GDE1: variants seen among roughly 807,000 people sequenced by gnomAD.
GDE1 encodes RGS16-interacting membrane protein.
A neutral mutation model predicts 32.2 loss-of-function variants in GDE1; 24 were observed. The ratio of observed to expected loss-of-function variants is 0.75; its 90% CI spans 0.54 to 1.05. The LOEUF (loss-of-function observed/expected upper bound fraction) is 1.05. Ranked by LOEUF, GDE1 falls within the 50% of genes least tolerant of loss-of-function variation. GDE1 has a pLI of 0.00. For missense variants in GDE1, 380 were observed against 415.0 expected (o/e 0.92, Z 0.73); for synonymous variants, 159 against 158.6 (o/e 1.00, Z -0.02).
intron 1 of GDE1, among the ~76,000 whole-genome samples, chr16:19,520,069 C>T (rs1247972666): frequency 5.3e-5 from 8 of 151,974 alleles, no homozygotes; most frequent in Admixed American, 5.2e-4. Context: ...TACATATATA[C>T]ATTTCTGACA....
intron 4 of GDE1, among the ~76,000 whole-genome samples, chr16:19,507,181 T>A (rs896554929): frequency 1.4e-5 from 2 of 143,844 alleles, no homozygotes; most frequent in African/African-American, 2.7e-5. Context: ...AATAAATAAA[T>A]AAAATGGCAT....
In GDE1 at chr16:19,521,684, C is replaced by T. The variant is rs376499397; in HGVS notation, c.261+20G>A. Reference sequence around the variant, plus strand: ...CCGAGCTCTCGGGAGGACCGAGGGGCGCGAACGTGGGGGTCTCACCTGCCG... The same window carrying T: ...CCGAGCTCTCGGGAGGACCGAGGGGTGCGAACGTGGGGGTCTCACCTGCCG... On this transcript the variant is annotated intron_variant, in intron 1 of 5. Transcript: ENST00000353258. 1 of 1,606,912 alleles carries T rather than the reference C, an allele frequency of 6.2e-7. No individual in the cohort carries two copies. Among genetic ancestry groups the T allele is most frequent in the Admixed American group, 1.7e-5 (1 of 59,662 alleles).
Position 19,505,095 on chromosome 16 carries a change from G to A in GDE1, c.637-3C>T. 6.3e-7 allele frequency: 1 copy of A among 1,589,824 alleles called. No individual in the cohort carries two copies. The highest frequency in any genetic ancestry group is 1.3e-5 in the African/African-American group (1 of 74,614). On this transcript the variant is annotated splice_region_variant and splice_polypyrimidine_tract_variant and intron_variant, in intron 4 of 5. Transcript: ENST00000353258. ...ACATCCCGATCTGTTTGTCTCATCT[G>A]CAAAGGAATTTGGGGAAGTAAAATA...
chr16:19,510,043 C>G (rs1969297881), intron 3 of GDE1, among the ~76,000 whole-genome samples: 1 of 151,934 alleles, frequency 6.6e-6, no homozygotes, highest in Non-Finnish European at 1.5e-5. Flanking sequence ...AGTAGATGGC[C>G]CTTACCGATT....
intron 3 of GDE1, among the ~76,000 whole-genome samples, chr16:19,508,520 C>T (rs1444017190): frequency 6.6e-6 from 1 of 152,146 alleles, no homozygotes; most frequent in African/African-American, 2.4e-5. Context: ...ACACATACCC[C>T]TAACCAAATA....
At chr16:19,511,582 G>C (rs1242943033) in intron 2 of GDE1, among the ~76,000 whole-genome samples, 1 of 152,058 alleles carries the variant, frequency 6.6e-6, no homozygotes, top group Non-Finnish European at 1.5e-5. Context: ...AAATCTCCTA[G>C]CTATTTTGAA....
At chr16:19,512,500 T>A (rs1969329862) in intron 2 of GDE1, among the ~76,000 whole-genome samples, 1 of 152,228 alleles carries the variant, frequency 6.6e-6, no homozygotes, top group South Asian at 2.1e-4. Flanking sequence ...TATTTTCTCC[T>A]ATTCAACAGG....
At position 19,521,734 on chromosome 16, in the gene GDE1, C is replaced by A; in HGVS notation, c.231G>T (p.Ala77=). ...GAATGGCCGCCAGCGTGTTCTCGGG[C>A]GCGTCGTGGCTGCCGCCACGGTGGG... is the stretch of plus-strand genomic sequence containing the variant. ...AIAHRGGSHD[A]PENTLAAIRQ... Residue 77 remains alanine, a synonymous_variant, in exon 1 of 6, where the codon GCG becomes GCT. Coordinates refer to ENST00000353258, the MANE Select transcript of GDE1 (RefSeq NM_016641.4). 3 of 1,612,098 alleles carry A rather than the reference C, an allele frequency of 1.9e-6. No homozygotes were observed.
intron 4 of GDE1, among the ~76,000 whole-genome samples, chr16:19,507,149 TAAATAAATAAATAAA>T: frequency 1.1e-5 from 1 of 87,748 alleles, no homozygotes; most frequent in South Asian, 2.9e-4. Flanking sequence ...TTAAAATAAA[TAAATAAATAAATAAA>T]TAAATAAATA....
In GDE1 at chr16:19,522,045, G is replaced by T; in HGVS notation, c.-81C>A. ...AGTAGAACGAGAAGCGAGGGGGAGG[G>T]TCCAAGGCACCGGCAGCAGCAGGAA... On this transcript the variant is annotated 5_prime_UTR_variant, in exon 1 of 6. Coordinates refer to ENST00000353258, the MANE Select transcript of GDE1 (RefSeq NM_016641.4). The T allele has an allele frequency of 7.1e-7, 1 of 1,402,412 alleles. No homozygotes were observed. Among genetic ancestry groups the T allele is most frequent in the Non-Finnish European group, 9.5e-7 (1 of 1,055,780 alleles). 86.9% of individuals were successfully genotyped at this position (1,402,412 alleles called of 1,614,324 possible).
chr16:19,510,348 A>C (rs1438605429), intron 3 of GDE1, among the ~76,000 whole-genome samples: 1 of 152,236 alleles, frequency 6.6e-6, no homozygotes, highest in African/African-American at 2.4e-5. Context: ...ACAAAGGGAT[A>C]AATCTATGTA....
chr16:19,511,023 C>A, intron 2 of GDE1, 79 bp from the exon 3 acceptor site: 1 of 683,232 alleles, frequency 1.5e-6, no homozygotes, highest in Non-Finnish European at 2.6e-6. Flanking sequence ...TTGCATATGT[C>A]TCTCAATCAA....
chr16:19,521,884 G>T lies in GDE1; in HGVS notation c.81C>A (p.Ser27Arg), dbSNP rs1264221870. Residue 27 changes from serine (S) to arginine (R), a missense_variant, in exon 1 of 6, where the codon AGC (serine) becomes AGA (arginine). Ser to Arg is a moderately radical substitution (Grantham distance 110). Transcript: ENST00000353258. The stretch of plus-strand genomic sequence containing the variant: ...CGGTGAGGAGGCAGGCATTGACCGG[G>T]CTCCGCGTCACCAGCAGCAGCACTA... Reference protein sequence around the residue: ...LLLVLLLVTRSPVNACLLTGS... With the variant: ...LLLVLLLVTRRPVNACLLTGS... The T allele has an allele frequency of 6.2e-7, 1 of 1,602,846 alleles. No individual in the cohort carries two copies. Among genetic ancestry groups the T allele is most frequent in the Non-Finnish European group, 8.5e-7 (1 of 1,175,830 alleles).
intron 1 of GDE1, among the ~76,000 whole-genome samples, chr16:19,519,114 A>T (rs1969416764): frequency 6.6e-6 from 1 of 152,068 alleles, no homozygotes; most frequent in Non-Finnish European, 1.5e-5. Context: ...GGCCTATGGA[A>T]CTTCTGACCA....
rs1969228974 is a variant in GDE1, at chr16:19,505,063, T to C, written c.666A>G (p.Thr222=). Reference sequence around the variant, plus strand: ...GGCTCCAAGGTCTGTGAGTTAATGCTGTTATTACATCCCGATCTGTTTGTC... The same window carrying C: ...GGCTCCAAGGTCTGTGAGTTAATGCCGTTATTACATCCCGATCTGTTTGTC... The part of the protein sequence containing the change: ...KMRQTDRDVI[T]ALTHRPWSLS... The change falls in exon 5 of 6, where the codon ACA becomes ACG. Residue 222 remains threonine (T), a synonymous_variant. Coordinates refer to ENST00000353258, the MANE Select transcript of GDE1 (RefSeq NM_016641.4). 1.2e-6 allele frequency: 2 copies of C among 1,611,850 alleles called. No individual in the cohort carries two copies. Among genetic ancestry groups the C allele is most frequent in the Non-Finnish European group, 1.7e-6 (2 of 1,177,850 alleles).
chr16:19,505,275 C>T (rs557019260), intron 4 of GDE1, 183 bp from the exon 5 acceptor site: 13 of 574,078 alleles, frequency 2.3e-5, no homozygotes, highest in Non-Finnish European at 3.4e-5. Flanking sequence ...ATGTAAAGCA[C>T]TAATATGCAG....
Position 19,506,828 on chromosome 16 carries a change from T to C in GDE1, c.636+859A>G, listed in dbSNP as rs370282955. ...TTAGATGGGACAATGGCATTGTGGC[T>C]ATGTTTTTAAAAAGGCATCACTAGG... On this transcript the variant is annotated intron_variant, in intron 4 of 5. Coordinates refer to ENST00000353258, the MANE Select transcript of GDE1 (RefSeq NM_016641.4). Among the ~76,000 whole-genome samples the C allele has an allele frequency of 1.1e-4, 16 of 152,118 alleles. No individual in the cohort carries two copies. In the East Asian group the frequency reaches 1.3e-3, roughly 13 times the overall value.
Position 19,517,147 on chromosome 16 carries a change from A to T in GDE1, c.304T>A (p.Phe102Ile). The change falls in exon 2 of 6, where the codon TTT (phenylalanine) becomes ATT (isoleucine). Residue 102 changes from phenylalanine to isoleucine, a missense_variant. By Grantham distance (21) the Phe-to-Ile change is conservative (BLOSUM62 0). Coordinates refer to ENST00000353258, the MANE Select transcript of GDE1 (RefSeq NM_016641.4). The part of the protein sequence containing the change: ...GATGVELDIE[F>I]TSDGIPVLMH... ...AAGACAGGAATCCCGTCAGAAGTAA[A>T]CTCAATGTCCAACTCCACGCCTGTT... The T allele has an allele frequency of 1.2e-6, 2 of 1,613,948 alleles. No homozygotes were observed. Among genetic ancestry groups the T allele is most frequent in the Non-Finnish European group, 1.7e-6 (2 of 1,179,888 alleles).
intron 2 of GDE1, 43 bp from the exon 3 acceptor site, chr16:19,510,987 A>C (rs907198303): frequency 4.1e-6 from 4 of 964,638 alleles, no homozygotes; most frequent in African/African-American, 1.6e-5. Flanking sequence ...AAAGAGAAAC[A>C]GATAAACTGT....
Sources: gnomAD v4.1 joint callset for allele counts (sites outside exome capture counted in the v4.1 genomes callset) on GRCh38, gnomAD v4.1.1 for gene constraint, MANE v1.5 for transcripts, NCBI Gene and HGNC (gene_info 2026-07-23, HGNC 2026-07-21) for gene names.